The following NHS variants were observed in gnomAD, a reference collection of about 807,000 sequenced individuals.
NHS encodes the protein actin remodeling regulator NHS.
Under a neutral mutation model 72.5 loss-of-function variants are expected in NHS, and 5 were observed. The ratio of observed to expected loss-of-function variants is 0.07; its 90% CI spans 0.04 to 0.14. NHS has a LOEUF of 0.14. NHS is among the 10% of genes least tolerant of loss of function. The pLI is 1.00. For missense variants in NHS, 1,072 were observed against 1,355.7 expected (o/e 0.79, Z 3.29); for synonymous variants, 464 against 547.7 (o/e 0.85, Z 2.13).
chrX:17,539,386 C>T (rs971534859), intron 1 of NHS, among the ~76,000 whole-genome samples: 3 of 109,945 alleles, frequency 2.7e-5, no homozygotes, highest in African/African-American at 3.3e-5. Context: ...TTTAACTTTA[C>T]ACCATGTATC....
At chrX:17,388,674 T>C (rs2146843714) in intron 1 of NHS, among the ~76,000 whole-genome samples, 1 of 109,392 alleles carries the variant, frequency 9.1e-6, no homozygotes, top group African/African-American at 3.3e-5. Flanking sequence ...TAGTAGGCCA[T>C]TGTGAGGACT....
At chrX:17,540,908 C>T (rs185853784) in intron 1 of NHS, among the ~76,000 whole-genome samples, 78 of 110,844 alleles carry the variant, frequency 7.0e-4, no homozygotes, top group African/African-American at 2.3e-3. Flanking sequence ...GGCGAGACTC[C>T]GTCTCTACAA....
chrX:17,581,165 C>G (rs1010593241), intron 1 of NHS, among the ~76,000 whole-genome samples: 4 of 111,731 alleles, frequency 3.6e-5, no homozygotes, highest in African/African-American at 1.3e-4. Flanking sequence ...AGGGGTAACT[C>G]CAATATCCCT....
chrX:17,525,638 C>CTTTTTTTTTTTTTTTTT (rs1162709869), intron 1 of NHS, among the ~76,000 whole-genome samples: 13 of 53,018 alleles, frequency 2.5e-4, no homozygotes, highest in Admixed American at 6.3e-4. Flanking sequence ...TCTTTCTTTT[C>CTTTTTTTTTTTTTTTTT]TTTTTTTTTT....
chrX:17,541,736 G>A (rs1352342919), intron 1 of NHS, among the ~76,000 whole-genome samples: 2 of 95,112 alleles, frequency 2.1e-5, no homozygotes, highest in Middle Eastern at 5.8e-3. Flanking sequence ...TTGATCCCAG[G>A]ATGAAAGAGC....
At chrX:17,685,216 C>CT (rs1186369770) in intron 1 of NHS, among the ~76,000 whole-genome samples, 1 of 112,083 alleles carries the variant, frequency 8.9e-6, no homozygotes, top group Non-Finnish European at 1.9e-5. Context: ...AATGACGTCA[C>CT]TGAGAGCAAA....
intron 1 of NHS, chrX:17,528,810 T>TA (rs1362904349): frequency 2.7e-5 from 3 of 111,915 alleles, no homozygotes; most frequent in Non-Finnish European, 5.6e-5. Flanking sequence ...TTTATAAATA[T>TA]ATGGTCTCTT....
chrX:17,556,414 A>T (rs2146963721), intron 1 of NHS, among the ~76,000 whole-genome samples: 1 of 112,816 alleles, frequency 8.9e-6, no homozygotes, highest in East Asian at 2.8e-4. Context: ...GCTCCTCTAT[A>T]GAGCCTTAGT....
At position 17,687,804 on chromosome X, in the gene NHS, C is replaced by G; in HGVS notation, c.628C>G (p.Gln210Glu). Residue 210 changes from glutamine to glutamate, a missense_variant, in exon 2 of 9, where the codon CAG (glutamine) becomes GAG (glutamate). Transcript: ENST00000676302. ...GTACTACCGCGCCCCGTGGCACCAG[C>G]AGCGCAACATCTTCCTCCCAGCCAC... is the stretch of plus-strand genomic sequence containing the variant. ...SVYYRAPWHQ[Q>E]RNIFLPATRP... is the part of the protein sequence containing the mutation. 1.7e-6 allele frequency: 2 copies of G among 1,211,982 alleles called. No homozygotes were observed. The highest frequency in any genetic ancestry group is 3.0e-5 in the East Asian group (1 of 33,819).
chrX:17,547,976 C>T (rs960115722), intron 1 of NHS, among the ~76,000 whole-genome samples: 6 of 111,889 alleles, frequency 5.4e-5, no homozygotes, highest in African/African-American at 1.3e-4. Context: ...CCTGCAGAAG[C>T]AAGCAGGAGA....
At chrX:17,571,762 G>A (rs1263486978) in intron 1 of NHS, among the ~76,000 whole-genome samples, 23 of 111,699 alleles carry the variant, frequency 2.1e-4, no homozygotes, top group Non-Finnish European at 4.1e-4. Flanking sequence ...TGATGTTAGG[G>A]TGTTGATTTT....
intron 1 of NHS, among the ~76,000 whole-genome samples, chrX:17,391,954 T>A (rs2064447591): frequency 1.8e-5 from 2 of 111,999 alleles, no homozygotes; most frequent in African/African-American, 6.5e-5. Context: ...AGATTATGGA[T>A]CTGGCATGGC....
In NHS at chrX:17,710,568, A is replaced by G. The variant is rs139472206; in HGVS notation, c.853-8776A>G. Reference sequence around the variant, plus strand: ...TAGTGTATAATTCCATTCATATAACATTTTCAAAAAGACAAAACCATAGAG... The same window carrying G: ...TAGTGTATAATTCCATTCATATAACGTTTTCAAAAAGACAAAACCATAGAG... On this transcript the variant is annotated intron_variant, in intron 3 of 8. Coordinates refer to ENST00000676302, the MANE Select transcript of NHS (RefSeq NM_001291867.2). Among the ~76,000 whole-genome samples the G allele has an allele frequency of 4.2e-3, 473 of 112,036 alleles. 2 individuals carry two copies. The highest frequency in any genetic ancestry group is 6.0e-3 in the Non-Finnish European group (318 of 53,237).
rs144525520 is a variant in NHS, at chrX:17,734,817, T to C, written c.*2353T>C. On this transcript the variant is annotated 3_prime_UTR_variant, in exon 9 of 9. Transcript: ENST00000676302. The stretch of plus-strand genomic sequence containing the variant: ...AAGAAACCGTCATTTCCAGTCACAG[T>C]AGGCGATCTTTCGTAATTTCATAAA... 3 of 112,431 alleles carry C rather than the reference T, an allele frequency of 2.7e-5. No homozygotes were observed. The East Asian group carries it at 8.4e-4, about 32-fold the overall frequency. The allele number at this position is 112,431 out of a possible 1,213,427, so 9.3% of individuals were successfully genotyped here. A position where few individuals can be genotyped will look rare whatever the true frequency, so the allele number is the denominator to read the frequency against.
intron 1 of NHS, among the ~76,000 whole-genome samples, chrX:17,607,106 GATA>G (rs1425337533): frequency 9.0e-6 from 1 of 111,182 alleles, no homozygotes; most frequent in Non-Finnish European, 1.9e-5. Flanking sequence ...TGAGTCTCAT[GATA>G]AAAGCAAGAT....
In NHS at chrX:17,553,881, C is replaced by T. The variant is rs1006998650; in HGVS notation, c.566-133861C>T. Among the ~76,000 whole-genome samples, 6 of 111,811 alleles carry T rather than the reference C, an allele frequency of 5.4e-5. No homozygotes were observed. The Admixed American group carries it at 5.7e-4, about 11-fold the overall frequency. On this transcript the variant is annotated intron_variant, in intron 1 of 8. Transcript: ENST00000676302. ...AGAAGACAGAGCCTGGCTATGGATG[C>T]CTGGGTGTCTGGGAGCCACTTGACA...
intron 1 of NHS, among the ~76,000 whole-genome samples, chrX:17,503,341 C>T (rs1304980114): frequency 8.9e-6 from 1 of 111,826 alleles, no homozygotes; most frequent in East Asian, 2.8e-4. Context: ...AGTGAGGATG[C>T]CCCACTTTAG....
Position 17,618,527 on chromosome X carries a change from T to C in NHS, c.566-69215T>C, listed in dbSNP as rs1239196769. Among the ~76,000 whole-genome samples the C allele has an allele frequency of 7.1e-5, 8 of 112,402 alleles. No individual in the cohort carries two copies. The Admixed American group carries it at 7.6e-4, about 11-fold the overall frequency. Reference sequence around the variant, plus strand: ...GTTTATTTGTGCTGGGTTTTTTCAATGGGTAAGAAAAATTATGGCTTTCTG... The same window carrying C: ...GTTTATTTGTGCTGGGTTTTTTCAACGGGTAAGAAAAATTATGGCTTTCTG... On this transcript the variant is annotated intron_variant, in intron 1 of 8. Coordinates refer to ENST00000676302, the MANE Select transcript of NHS (RefSeq NM_001291867.2).
At chrX:17,571,397 A>G (rs2157366) in intron 1 of NHS, among the ~76,000 whole-genome samples, 53,930 of 110,835 alleles carry the variant, frequency 0.49, 11,078 homozygotes, top group African/African-American at 0.79. Flanking sequence ...TTTAGTCTTG[A>G]GAGGGTGTAT....
Sources: gnomAD v4.1 joint callset for allele counts (sites outside exome capture counted in the v4.1 genomes callset) on GRCh38, gnomAD v4.1.1 for gene constraint, MANE v1.5 for transcripts, NCBI Gene and HGNC (gene_info 2026-07-23, HGNC 2026-07-21) for gene names.